The following PCDH15 variants were observed in gnomAD, a reference collection of about 807,000 sequenced individuals.
The protein encoded by PCDH15 is protocadherin-15.
In PCDH15, 129 loss-of-function variants were observed where a neutral mutation model predicts 178.5. The observed-to-expected ratio is 0.72, with a 90% CI of 0.63 to 0.84. PCDH15 has a LOEUF of 0.84. Among genes scored for constraint, PCDH15 ranks in the 40% least tolerant of loss-of-function variants. PCDH15 has a pLI of 0.00. For missense variants in PCDH15, 2,230 were observed against 2,099.9 expected, an observed-to-expected ratio of 1.06 and a Z score of -1.21; for synonymous variants, 800 against 732.0, an observed-to-expected ratio of 1.09 and a Z score of -1.50.
chr10:54,783,166 GAAT>G (rs549299668), intron 1 of PCDH15, among the ~76,000 whole-genome samples: 65 of 151,802 alleles, frequency 4.3e-4, no homozygotes, highest in African/African-American at 1.3e-3. Context: ...GCTTGAAAAA[GAAT>G]AATAATAATT....
At chr10:55,191,890 T>C (rs994411053) in intron 1 of PCDH15, among the ~76,000 whole-genome samples, 5 of 151,878 alleles carry the variant, frequency 3.3e-5, no homozygotes, top group Admixed American at 6.6e-5. Context: ...TCTCAAAGCA[T>C]GACACTGTGT....
intron 2 of PCDH15, among the ~76,000 whole-genome samples, chr10:54,638,857 A>G (rs954882732): frequency 1.3e-5 from 2 of 151,982 alleles, no homozygotes; most frequent in Non-Finnish European, 2.9e-5. Flanking sequence ...GCTCAGCTAT[A>G]AAAAATAACG....
At chr10:54,183,718 T>C (rs2048228280) in intron 12 of PCDH15, 125 bp from the exon 13 acceptor site, 1 of 1,125,738 alleles carries the variant, frequency 8.9e-7, no homozygotes, top group Non-Finnish European at 1.3e-6. Flanking sequence ...GCAAAAATAT[T>C]TTGTTGATAA....
chr10:54,036,299 G>A (rs533291473), intron 18 of PCDH15, among the ~76,000 whole-genome samples: 17 of 151,982 alleles, frequency 1.1e-4, no homozygotes, highest in South Asian at 2.1e-4. Flanking sequence ...TAGAACTTCC[G>A]TAACTTAAAA....
chr10:54,342,243 G>A (rs944689695), intron 6 of PCDH15, among the ~76,000 whole-genome samples: 5 of 152,138 alleles, frequency 3.3e-5, no homozygotes, highest in Admixed American at 6.5e-5. Context: ...GCCTAGGAGG[G>A]AAAAATGGTT....
intron 2 of PCDH15, among the ~76,000 whole-genome samples, chr10:55,519,964 T>G (rs1589104714): frequency 6.7e-6 from 1 of 149,834 alleles, no homozygotes; most frequent in East Asian, 2.0e-4. Flanking sequence ...TAACGCGGGA[T>G]AAATGTACCT....
chr10:54,204,364 AAGAG>A (rs869027534), intron 10 of PCDH15, among the ~76,000 whole-genome samples: 1 of 60,922 alleles, frequency 1.6e-5, no homozygotes, highest in Admixed American at 2.0e-4. Flanking sequence ...CAAAAAAAAA[AAGAG>A]AAAAGTAATC....
intron 1 of PCDH15, among the ~76,000 whole-genome samples, chr10:54,783,800 T>C (rs1950589571): frequency 6.6e-6 from 1 of 152,130 alleles, no homozygotes; most frequent in Non-Finnish European, 1.5e-5. Flanking sequence ...TTGGGTACAA[T>C]CTTCACCACT....
At chr10:54,878,721 A>G (rs1033591128) in intron 3 of PCDH15, among the ~76,000 whole-genome samples, 1 of 152,116 alleles carries the variant, frequency 6.6e-6, no homozygotes, top group Non-Finnish European at 1.5e-5. Context: ...CAGGTTTGTT[A>G]CATAGGTAAA....
chr10:55,102,923 A>G (rs919382795), intron 2 of PCDH15, among the ~76,000 whole-genome samples: 4 of 152,130 alleles, frequency 2.6e-5, no homozygotes, highest in Non-Finnish European at 4.4e-5. Context: ...AAACTAGATC[A>G]TTATAAAGGT....
At chr10:54,312,164 G>C (rs973366542) in intron 8 of PCDH15, among the ~76,000 whole-genome samples, 4 of 151,966 alleles carry the variant, frequency 2.6e-5, no homozygotes, top group Admixed American at 2.6e-4. Flanking sequence ...GAAATTTCAT[G>C]AAATTTTAGC....
At chr10:55,624,774 G>A (rs886525530) in intron 2 of PCDH15, among the ~76,000 whole-genome samples, 3 of 152,040 alleles carry the variant, frequency 2.0e-5, no homozygotes, top group African/African-American at 4.8e-5. Flanking sequence ...AGAATTTCAT[G>A]TAGATGTTAT....
At chr10:53,817,246 T>C (rs1366367321) in intron 34 of PCDH15, among the ~76,000 whole-genome samples, 1 of 152,166 alleles carries the variant, frequency 6.6e-6, no homozygotes, top group African/African-American at 2.4e-5. Context: ...AGCTGTATGC[T>C]AAATCAAACT....
chr10:54,503,372 G>A (rs1045583804), intron 3 of PCDH15, among the ~76,000 whole-genome samples: 2 of 149,082 alleles, frequency 1.3e-5, no homozygotes, highest in African/African-American at 2.5e-5. Flanking sequence ...TGTTTAATAC[G>A]ACAGCAATTT....
chr10:54,948,193 A>G (rs955731793), intron 2 of PCDH15, among the ~76,000 whole-genome samples: 1 of 151,966 alleles, frequency 6.6e-6, no homozygotes, highest in African/African-American at 2.4e-5. Context: ...TCTGACAACC[A>G]TTGTTATAAG....
intron 2 of PCDH15, among the ~76,000 whole-genome samples, chr10:54,658,263 A>G (rs920208822): frequency 6.6e-6 from 1 of 152,114 alleles, no homozygotes; most frequent in African/African-American, 2.4e-5. Flanking sequence ...AGAGGAGGAC[A>G]TCCAGATACA....
At chr10:55,498,359 A>G (rs535855353) in intron 2 of PCDH15, among the ~76,000 whole-genome samples, 1 of 152,012 alleles carries the variant, frequency 6.6e-6, no homozygotes, top group Admixed American at 6.6e-5. Flanking sequence ...AAATGACTTG[A>G]AATTCCACAG....
intron 2 of PCDH15, chr10:54,606,227 G>C (rs1032976556): frequency 6.6e-6 from 1 of 152,212 alleles, no homozygotes; most frequent in Non-Finnish European, 1.5e-5. Context: ...AGGAGATATG[G>C]GAAGAACCCA....
chr10:54,345,026 C>T (rs1307016593), intron 6 of PCDH15, among the ~76,000 whole-genome samples: 1 of 148,862 alleles, frequency 6.7e-6, no homozygotes, highest in Non-Finnish European at 1.5e-5. Context: ...TTTAACACAG[C>T]CAGTACAAGT....
Sources: gnomAD v4.1 joint callset for allele counts (sites outside exome capture counted in the v4.1 genomes callset) on GRCh38, gnomAD v4.1.1 for gene constraint, MANE v1.5 for transcripts, NCBI Gene and HGNC (gene_info 2026-07-23, HGNC 2026-07-21) for gene names.